The following PTCH1 variants were observed in gnomAD, a reference collection of about 807,000 sequenced individuals.
PTCH1 encodes the protein patched 1.
In PTCH1, 14 loss-of-function variants were observed where a neutral mutation model predicts 144.6. The ratio of observed to expected loss-of-function variants is 0.10; its 90% CI spans 0.06 to 0.15. PTCH1 has a LOEUF of 0.15. PTCH1 is among the 10% of genes least tolerant of loss of function. The pLI, the probability that PTCH1 is intolerant of heterozygous loss-of-function variation, is 1.00. For synonymous variants in PTCH1, 833 were observed against 793.6 expected (o/e 1.05, Z -0.83); for missense variants, 1,623 against 1,948.3 (o/e 0.83, Z 3.14).
rs187233528 is a variant in PTCH1 at position 95,493,925 on chromosome 9, C to T, written c.395-8051G>A. On this transcript the variant is annotated intron_variant, in intron 2 of 23. Transcript: ENST00000331920. ...CCAACCGCTGTCCAAGTTTCTGGGC[C>T]GTTTTTTTCCTTATGAGATTGTGCC... Among the ~76,000 whole-genome samples, 45 of 152,268 alleles carry T rather than the reference C, an allele frequency of 3.0e-4. No homozygotes were observed. The East Asian group carries it at 5.0e-3, about 17-fold the overall frequency.
At position 95,482,315 on chromosome 9, in the gene PTCH1, A is replaced by G. The variant is rs573101861; in HGVS notation, c.585-112T>C. The G allele has an allele frequency of 6.4e-6, 7 of 1,086,212 alleles. No individual in the cohort carries two copies. The South Asian group carries it at 8.4e-5, about 13-fold the overall frequency. The allele number at this position is 1,086,212 out of a possible 1,614,324, so 67.3% of individuals were successfully genotyped here. ...ACTGCAATTTCGATCACTTTTAAGC[A>G]TCTGTCAAAACGAGCAGAGCTTTTG... On this transcript the variant is annotated intron_variant, in intron 3 of 23. Transcript: ENST00000331920.
chr9:95,476,928 G>C lies in PTCH1; in HGVS notation c.1504-71C>G. The C allele has an allele frequency of 7.0e-7, 1 of 1,437,390 alleles. No individual in the cohort carries two copies. Among genetic ancestry groups the C allele is most frequent in the South Asian group, 1.2e-5 (1 of 83,516 alleles). The allele number at this position is 1,437,390 out of a possible 1,614,324, so 89.0% of individuals were successfully genotyped here. A position where few individuals can be genotyped will look rare whatever the true frequency, so the allele number is the denominator to read the frequency against. ...ATTCAGATGATTCTAAAGCTAGTTA[G>C]GACTCTGCCACCAGCACCTAACAGC... is the stretch of plus-strand genomic sequence containing the variant. On this transcript the variant is annotated intron_variant, in intron 10 of 23. Transcript: ENST00000331920. This position sits in a 1 kb window ranked among gnomAD's most constrained non-coding sequence, Gnocchi z 4.6.
At chr9:95,466,282 G>C (rs1418227291) in intron 15 of PTCH1, among the ~76,000 whole-genome samples, 2 of 152,092 alleles carry the variant, frequency 1.3e-5, no homozygotes, top group East Asian at 3.9e-4. Context: ...CCTGACCTCA[G>C]GTGATCTGCC....
chr9:95,484,249 T>C (rs972197857), intron 3 of PTCH1: 5 of 152,358 alleles, frequency 3.3e-5, no homozygotes, highest in Admixed American at 3.3e-4. Flanking sequence ...ACCAGGTAGT[T>C]GCTTCCCTAC....
At chr9:95,462,957 C>T (rs560008074) in intron 15 of PTCH1, among the ~76,000 whole-genome samples, 13 of 152,270 alleles carry the variant, frequency 8.5e-5, no homozygotes, top group South Asian at 6.2e-4. Flanking sequence ...AGGGTCTGAG[C>T]GCTGGCTGGT....
chr9:95,476,167 T>TA lies in PTCH1; in HGVS notation c.1603-9dup, dbSNP rs759445912. On this transcript the variant is annotated splice_polypyrimidine_tract_variant and intron_variant, in intron 11 of 23. Coordinates refer to ENST00000331920, the MANE Select transcript of PTCH1 (RefSeq NM_000264.5). This position sits in a 1 kb window ranked among gnomAD's most constrained non-coding sequence, Gnocchi z 4.6. ...GCACTCCCCGGTCCTGTCCTGGGAA[T>TA]AAAAAAACACAGCGCTGAGAGCTGC... 3.1e-6 allele frequency: 5 copies of TA among 1,610,160 alleles called. No individual in the cohort carries two copies. In the African/African-American group the frequency reaches 5.3e-5, roughly 17 times the overall value.
chr9:95,456,878 T>C (rs1014781974), intron 18 of PTCH1, among the ~76,000 whole-genome samples: 2 of 152,126 alleles, frequency 1.3e-5, no homozygotes, highest in African/African-American at 4.8e-5. Flanking sequence ...AGAAAGCTGA[T>C]AGGACGGGGT....
At chr9:95,461,309 G>T (rs549754201) in intron 16 of PTCH1, among the ~76,000 whole-genome samples, 1 of 152,102 alleles carries the variant, frequency 6.6e-6, no homozygotes, top group Non-Finnish European at 1.5e-5. Context: ...GCACATTTCC[G>T]TTTGCTTCAC....
intron 22 of PTCH1, 81 bp downstream of exon 22, chr9:95,448,988 C>A: frequency 6.3e-7 from 1 of 1,585,854 alleles, no homozygotes; most frequent in South Asian, 1.1e-5. Flanking sequence ...TGCTGCTCAG[C>A]AGACAGGAGC....
At position 95,458,723 on chromosome 9, in the gene PTCH1, G is replaced by A. The variant is rs961571627; in HGVS notation, c.2888-430C>T. ...TAGTGCCTGAACAAACTTCAACCTT[G>A]TATGCTTCTTTTCTAATGCAATGCT... On this transcript the variant is annotated intron_variant, in intron 17 of 23. Transcript: ENST00000331920. This position sits in a 1 kb window ranked among gnomAD's most constrained non-coding sequence, Gnocchi z 4.7. Among the ~76,000 whole-genome samples the A allele has an allele frequency of 6.6e-6, 1 of 152,202 alleles. No individual in the cohort carries two copies. The highest frequency in any genetic ancestry group is 2.4e-5 in the African/African-American group (1 of 41,448).
intron 15 of PTCH1, among the ~76,000 whole-genome samples, chr9:95,466,170 C>G (rs760732886): frequency 6.6e-6 from 1 of 152,112 alleles, no homozygotes; most frequent in Non-Finnish European, 1.5e-5. Flanking sequence ...GCCTCAGTTT[C>G]CTGAGTAGCT....
At chr9:95,465,148 T>C in intron 15 of PTCH1, among the ~76,000 whole-genome samples, 1 of 152,130 alleles carries the variant, frequency 6.6e-6, no homozygotes, top group East Asian at 1.9e-4. Context: ...AGAGATGATC[T>C]ACAATGCTCT....
In PTCH1 at chr9:95,456,320, C is replaced by T. The variant is rs150217389; in HGVS notation, c.3262G>A (p.Ala1088Thr). Residue 1088 changes from alanine (A) to threonine (T), a missense_variant, in exon 19 of 24, where the codon GCT becomes ACT. Physicochemically the swap from Ala to Thr is moderately conservative, Grantham distance 58. Around this residue, in one of 7 missense-constraint regions of PTCH1, gnomAD observed 504 missense variants for 679.3 expected, o/e 0.74. Coordinates refer to ENST00000331920, the MANE Select transcript of PTCH1 (RefSeq NM_000264.5). ...AACTCCACTCCTATGCCAACAGAAG[C>T]GATCAGGATGACCACGGGCACGGCA... ...LSAVPVVILI[A>T]SVGIGVEFTV... The T allele has an allele frequency of 1.7e-5, 28 of 1,614,048 alleles. No homozygotes were observed. The highest frequency in any genetic ancestry group is 8.0e-5 in the African/African-American group (6 of 75,040).
At chr9:95,516,300 C>T (rs915450032) in intron 1 of PTCH1, among the ~76,000 whole-genome samples, 1 of 146,452 alleles carries the variant, frequency 6.8e-6, no homozygotes, top group Non-Finnish European at 1.5e-5. Context: ...GCGCAGCCCA[C>T]CCGGCTCCAC....
At chr9:95,516,501 G>T in exon 1 of PTCH1, 1 of 1,536,268 alleles carries the variant, frequency 6.5e-7, no homozygotes, top group East Asian at 2.5e-5. Flanking sequence ...CTCGGAGCGC[G>T]GGTGCCGATG....
At chr9:95,502,953 G>A (rs898239230) in intron 2 of PTCH1, among the ~76,000 whole-genome samples, 2 of 152,102 alleles carry the variant, frequency 1.3e-5, no homozygotes, top group African/African-American at 4.8e-5. Flanking sequence ...CAGATAGGAG[G>A]ATATGCAGAA....
At chr9:95,492,667 T>G (rs1250898510) in intron 2 of PTCH1, among the ~76,000 whole-genome samples, 1 of 151,892 alleles carries the variant, frequency 6.6e-6, no homozygotes, top group Non-Finnish European at 1.5e-5. Context: ...TCCCATACAC[T>G]TCTGGTCCCA....
chr9:95,510,927 G>A (rs1844119467), upstream of PTCH1, among the ~76,000 whole-genome samples: 1 of 150,534 alleles, frequency 6.6e-6, no homozygotes, highest in South Asian at 2.1e-4. Context: ...GGATGCGCCG[G>A]GCCGGCTCCG....
At chr9:95,491,127 C>T (rs1051552974) in intron 2 of PTCH1, among the ~76,000 whole-genome samples, 3 of 152,180 alleles carry the variant, frequency 2.0e-5, no homozygotes, top group Non-Finnish European at 4.4e-5. Context: ...ATCATTATCT[C>T]AGGATCCTGA....
Sources: gnomAD v4.1 joint callset for allele counts (sites outside exome capture counted in the v4.1 genomes callset) on GRCh38, gnomAD v4.1.1 for gene constraint, gnomAD v4.1.1 regional missense constraint, Gnocchi (gnomAD v3.1) non-coding constraint, MANE v1.5 for transcripts, NCBI Gene and HGNC (gene_info 2026-07-23, HGNC 2026-07-21) for gene names.